KAZN: variants seen among roughly 807,000 people sequenced by gnomAD.
The protein encoded by KAZN is kazrin, periplakin interacting protein.
Under a neutral mutation model 87.4 loss-of-function variants are expected in KAZN, and 40 were observed. That is an observed-to-expected ratio of 0.46 (90% CI 0.36 to 0.60). The LOEUF is 0.60. Ranked by LOEUF, KAZN falls within the 20% of genes least tolerant of loss-of-function variation. KAZN has a pLI of 0.00. For synonymous variants in KAZN, 466 were observed against 458.3 expected, an observed-to-expected ratio of 1.02 and a Z score of -0.22; for missense variants, 898 against 1,073.9, an observed-to-expected ratio of 0.84 and a Z score of 2.29.
At chr1:15,033,066 T>C (rs531006219) in intron 2 of KAZN, among the ~76,000 whole-genome samples, 2 of 152,304 alleles carry the variant, frequency 1.3e-5, no homozygotes, top group East Asian at 1.9e-4. Context: ...GTATAACAAC[T>C]ATTCATGTGG....
intron 1 of KAZN, among the ~76,000 whole-genome samples, chr1:14,076,197 C>T (rs1219310382): frequency 2.0e-5 from 3 of 151,948 alleles, no homozygotes; most frequent in African/African-American, 7.3e-5. Context: ...AGGAGAATGG[C>T]GTGAACCCGG....
intron 2 of KAZN, among the ~76,000 whole-genome samples, chr1:14,531,114 T>C (rs1311272251): frequency 6.6e-6 from 1 of 152,118 alleles, no homozygotes; most frequent in African/African-American, 2.4e-5. Flanking sequence ...CAGCCTCAGG[T>C]ATTTCTTTAT....
intron 1 of KAZN, among the ~76,000 whole-genome samples, chr1:14,084,867 C>G (rs1643805451): frequency 6.6e-6 from 1 of 151,824 alleles, no homozygotes; most frequent in Admixed American, 6.6e-5. Context: ...TACCCTAAAA[C>G]TTAAAGTATA....
intron 1 of KAZN, among the ~76,000 whole-genome samples, chr1:14,019,239 C>T (rs1442157099): frequency 6.6e-6 from 1 of 152,142 alleles, no homozygotes; most frequent in Non-Finnish European, 1.5e-5. Context: ...TTATTAACTG[C>T]CATGTTCCTG....
rs76939904 is a variant in KAZN at position 14,877,190 on chromosome 1, C to T, written c.227-83494C>T. ...TGGACTCTCTTCTCACCACCAATCTCGTGGCTCTGTCTCCCGTTACTCCCT... is the reference window on the plus strand; with the variant it reads ...TGGACTCTCTTCTCACCACCAATCTTGTGGCTCTGTCTCCCGTTACTCCCT... On this transcript the variant is annotated intron_variant, in intron 1 of 14. Transcript: ENST00000376030. Among the ~76,000 whole-genome samples, 7 of 152,312 alleles carry T rather than the reference C, an allele frequency of 4.6e-5. No homozygotes were observed. In the East Asian group the frequency reaches 1.2e-3, roughly 25 times the overall value.
intron 2 of KAZN, among the ~76,000 whole-genome samples, chr1:14,436,734 A>AAAAAAAAAAAAAAAAC (rs563539375): frequency 7.3e-6 from 1 of 137,368 alleles, no homozygotes; most frequent in Admixed American, 7.4e-5. Context: ...AAAAAAAAAA[A>AAAAAAAAAAAAAAAAC]AAAACCTTAA....
chr1:14,801,656 C>G (rs983912953), intron 1 of KAZN, among the ~76,000 whole-genome samples: 5 of 151,834 alleles, frequency 3.3e-5, no homozygotes, highest in Non-Finnish European at 5.9e-5. Flanking sequence ...GCTGCAAGGT[C>G]TCTCCTAAAG....
chr1:14,250,419 GTCAA>G (rs1412604028), intron 2 of KAZN, among the ~76,000 whole-genome samples: 1 of 151,722 alleles, frequency 6.6e-6, no homozygotes, highest in East Asian at 1.9e-4. Flanking sequence ...TTTTCTTGGG[GTCAA>G]TCAATAAAAT....
chr1:14,371,229 T>A (rs1386541158), intron 2 of KAZN, among the ~76,000 whole-genome samples: 7 of 152,212 alleles, frequency 4.6e-5, no homozygotes, highest in Non-Finnish European at 8.8e-5. Flanking sequence ...GGGATGCTGA[T>A]GCTGCTGGTC....
intron 2 of KAZN, among the ~76,000 whole-genome samples, chr1:14,437,933 C>T (rs1051942671): frequency 3.3e-5 from 5 of 152,102 alleles, no homozygotes; most frequent in African/African-American, 1.2e-4. Flanking sequence ...GACATGTTCC[C>T]TTTTTCTCAT....
intron 14 of KAZN, 51 bp downstream of exon 14, chr1:15,112,592 C>CTTTTTTTTCTTCTCCCAGCGGCAGGTA: frequency 1.6e-6 from 2 of 1,234,738 alleles, no homozygotes; most frequent in Non-Finnish European, 2.3e-6. Flanking sequence ...CGGGAAAGGT[C>CTTTTTTTTCTTCTCCCAGCGGCAGGTA]TTTTTTTCTC....
intron 2 of KAZN, among the ~76,000 whole-genome samples, chr1:14,425,645 G>A (rs770080263): frequency 1.3e-5 from 2 of 152,284 alleles, no homozygotes; most frequent in East Asian, 1.9e-4. Context: ...CCAAGTGTCC[G>A]TGAATGCATG....
At chr1:14,706,014 G>A (rs1024400159) in intron 1 of KAZN, among the ~76,000 whole-genome samples, 5 of 152,062 alleles carry the variant, frequency 3.3e-5, no homozygotes, top group Admixed American at 6.6e-5. Flanking sequence ...ATTACCACCT[G>A]AGCTCCGCCT....
chr1:14,704,799 A>T (rs1282675723), intron 1 of KAZN, among the ~76,000 whole-genome samples: 1 of 152,206 alleles, frequency 6.6e-6, no homozygotes, highest in African/African-American at 2.4e-5. Context: ...CAGGAGGAAG[A>T]GGAGAGTGAG....
rs544176447 is a variant in KAZN, at chr1:14,442,348, T to A, written c.250-156635T>A. On this transcript the variant is annotated intron_variant, in intron 2 of 16. Coordinates refer to the KAZN transcript ENST00000636203. Reference sequence around the variant, plus strand: ...AAATCACTACCCATCTACCAAGGCTTGTGCTTTAAAATTGGGGCTCAGAGA... The same window carrying A: ...AAATCACTACCCATCTACCAAGGCTAGTGCTTTAAAATTGGGGCTCAGAGA... 1.8e-4 allele frequency among the ~76,000 whole-genome samples: 27 copies of A among 152,308 alleles called. No individual in the cohort carries two copies. In the South Asian group the frequency reaches 5.4e-3, roughly 30 times the overall value.
chr1:13,992,824 T>C (rs946421974), intron 1 of KAZN, among the ~76,000 whole-genome samples: 1 of 152,166 alleles, frequency 6.6e-6, no homozygotes, highest in Non-Finnish European at 1.5e-5. Context: ...TCATCTCCCC[T>C]GTGCTTTTTT....
intron 1 of KAZN, among the ~76,000 whole-genome samples, chr1:14,676,401 C>T (rs925246830): frequency 7.0e-6 from 1 of 143,814 alleles, no homozygotes; most frequent in Non-Finnish European, 1.5e-5. Context: ...AGCTAAGCAG[C>T]CTTACCTAGG....
chr1:14,598,274 G>A (rs1329835360), upstream of KAZN, among the ~76,000 whole-genome samples: 6 of 152,246 alleles, frequency 3.9e-5, no homozygotes, highest in East Asian at 1.2e-3. The surrounding 1 kb of genome is among the most constrained non-coding windows in gnomAD (Gnocchi z 4.2). Context: ...AGGAACCGGT[G>A]GAGCACGAAC....
At chr1:14,935,621 A>G (rs1660362993) in intron 1 of KAZN, among the ~76,000 whole-genome samples, 3 of 152,154 alleles carry the variant, frequency 2.0e-5, no homozygotes, top group Non-Finnish European at 2.9e-5. Flanking sequence ...GAAAGCAGCC[A>G]CTGAGCAAGG....
Sources: allele counts gnomAD v4.1 joint callset (sites outside exome capture counted in the v4.1 genomes callset), GRCh38; gene constraint gnomAD v4.1.1; non-coding constraint Gnocchi (gnomAD v3.1); transcripts MANE v1.5; gene names NCBI Gene and HGNC (gene_info 2026-07-23, HGNC 2026-07-21).